The following NPAS3 variants were observed in gnomAD, a reference collection of about 807,000 sequenced individuals.
NPAS3 encodes the protein neuronal PAS domain-containing protein 3.
NPAS3 carries 14 observed loss-of-function variants against 73.1 expected under a neutral mutation model. The ratio of observed to expected loss-of-function variants is 0.19; its 90% CI spans 0.13 to 0.30. NPAS3 has a LOEUF of 0.30. Ranked by LOEUF, NPAS3 falls within the 10% of genes least tolerant of loss-of-function variation. The pLI, the probability that NPAS3 is intolerant of heterozygous loss-of-function variation, is 1.00. For missense variants in NPAS3, 1,096 were observed against 1,250.0 expected (o/e 0.88, Z 1.86); for synonymous variants, 620 against 541.5 (o/e 1.14, Z -2.01).
At chr14:33,389,612 C>A (rs1407691465) in intron 4 of NPAS3, among the ~76,000 whole-genome samples, 1 of 152,022 alleles carries the variant, frequency 6.6e-6, no homozygotes, top group East Asian at 1.9e-4. Flanking sequence ...GAGGTTGAAG[C>A]CACAATCTTA....
At chr14:33,206,679 A>G (rs2046833445) in intron 2 of NPAS3, among the ~76,000 whole-genome samples, 1 of 152,288 alleles carries the variant, frequency 6.6e-6, no homozygotes, top group Non-Finnish European at 1.5e-5. Context: ...GCATTCAAAC[A>G]TATTCATGTT....
chr14:33,580,800 AC>A lies in NPAS3; in HGVS notation c.558+20596del, dbSNP rs199853362. ...CCCTCCCACACCCACCCTCCACCGCACCCCCCTACCCCAGGGTGGCTTACTT... is the reference window on the plus strand; with the variant it reads ...CCCTCCCACACCCACCCTCCACCGCACCCCCTACCCCAGGGTGGCTTACTT... On this transcript the variant is annotated intron_variant, in intron 5 of 11. Transcript: ENST00000356141. Among the ~76,000 whole-genome samples the A allele has an allele frequency of 2.3e-5, 3 of 130,276 alleles. No homozygotes were observed. In the South Asian group the frequency reaches 8.4e-4, roughly 37 times the overall value. 85.5% of individuals were successfully genotyped at this position (130,276 alleles called of 152,430 possible). A position where few individuals can be genotyped will look rare whatever the true frequency, so the allele number is the denominator to read the frequency against.
chr14:32,993,021 TCTC>T (rs1193458633), intron 1 of NPAS3, among the ~76,000 whole-genome samples: 1 of 151,834 alleles, frequency 6.6e-6, no homozygotes, highest in African/African-American at 2.4e-5. Flanking sequence ...CTGGGTGTGG[TCTC>T]AGGCACCTGT....
At chr14:33,173,292 T>C (rs760141596) in intron 2 of NPAS3, among the ~76,000 whole-genome samples, 5 of 152,214 alleles carry the variant, frequency 3.3e-5, no homozygotes, top group Non-Finnish European at 7.3e-5. Context: ...TATTAGAGTT[T>C]AAAATAGCAG....
intron 5 of NPAS3, among the ~76,000 whole-genome samples, chr14:33,632,522 T>G (rs2058408130): frequency 1.3e-5 from 2 of 152,210 alleles, no homozygotes; most frequent in Admixed American, 1.3e-4. Context: ...GTGATCTCTT[T>G]TCTCTATGGG....
intron 4 of NPAS3, among the ~76,000 whole-genome samples, chr14:33,505,891 T>TTTGTTG (rs2052735817): frequency 6.6e-6 from 1 of 151,990 alleles, no homozygotes; most frequent in Non-Finnish European, 1.5e-5. Context: ...CTCCTCTGGC[T>TTTGTTG]CACTGACCTT....
chr14:33,598,415 T>C lies in NPAS3; in HGVS notation c.558+38205T>C, dbSNP rs570408517. ...TGGTGATGATGTGTGTATATGTGAA[T>C]AGTTTTAATAAGTCATCATTCTATT... On this transcript the variant is annotated intron_variant, in intron 5 of 11. Transcript: ENST00000356141. 2.0e-5 allele frequency among the ~76,000 whole-genome samples: 3 copies of C among 152,354 alleles called. No individual in the cohort carries two copies. The South Asian group carries it at 6.2e-4, about 32-fold the overall frequency.
chr14:33,580,204 A>C (rs1247078455), intron 5 of NPAS3, among the ~76,000 whole-genome samples: 1 of 150,180 alleles, frequency 6.7e-6, no homozygotes, highest in Non-Finnish European at 1.5e-5. Context: ...GGGCTTACAT[A>C]TGCACAAAGC....
At chr14:33,175,552 A>G (rs1050106311) in intron 2 of NPAS3, among the ~76,000 whole-genome samples, 1 of 152,214 alleles carries the variant, frequency 6.6e-6, no homozygotes, top group East Asian at 1.9e-4. Flanking sequence ...TCCTTAACAC[A>G]TTGTAACAAG....
intron 4 of NPAS3, among the ~76,000 whole-genome samples, chr14:33,559,873 G>T (rs2055553314): frequency 6.6e-6 from 1 of 152,050 alleles, no homozygotes; most frequent in African/African-American, 2.4e-5. Context: ...ACAAAAATTA[G>T]CTGGGCATGG....
At chr14:33,541,096 G>GGT (rs140503260) in intron 4 of NPAS3, among the ~76,000 whole-genome samples, 66,721 of 142,184 alleles carry the variant, frequency 0.47, 15,811 homozygotes, top group Non-Finnish European at 0.55. Flanking sequence ...TATGTTTAGA[G>GGT]GTGTGTGTGT....
chr14:33,126,035 A>C (rs904753943), intron 2 of NPAS3, among the ~76,000 whole-genome samples: 3 of 152,194 alleles, frequency 2.0e-5, no homozygotes, highest in African/African-American at 7.2e-5. Flanking sequence ...TTTAGCCTTC[A>C]GCTGTGTGAA....
intron 6 of NPAS3, among the ~76,000 whole-genome samples, chr14:33,711,738 T>C (rs963170339): frequency 6.6e-6 from 1 of 152,058 alleles, no homozygotes; most frequent in Non-Finnish European, 1.5e-5. Flanking sequence ...AAGGGAAAGA[T>C]GGTCAGAACA....
At chr14:33,601,940 A>T (rs1245579051) in intron 5 of NPAS3, among the ~76,000 whole-genome samples, 2 of 152,212 alleles carry the variant, frequency 1.3e-5, no homozygotes, top group African/African-American at 2.4e-5. Context: ...ACTGATTTCC[A>T]AGCTACTAGA....
At chr14:33,065,291 T>G (rs1682701449) in intron 2 of NPAS3, among the ~76,000 whole-genome samples, 1 of 152,162 alleles carries the variant, frequency 6.6e-6, no homozygotes, top group South Asian at 2.1e-4. Flanking sequence ...AACATACGGC[T>G]TTTTTAGGTC....
chr14:33,456,844 A>T (rs746229623), intron 4 of NPAS3, among the ~76,000 whole-genome samples: 5 of 152,152 alleles, frequency 3.3e-5, no homozygotes, highest in African/African-American at 4.8e-5. Context: ...GTAAAGGTTG[A>T]GTGTGGGCTG....
intron 6 of NPAS3, among the ~76,000 whole-genome samples, chr14:33,697,303 T>C (rs73257035): frequency 0.18 from 28,136 of 152,168 alleles, 2,764 homozygotes; most frequent in East Asian, 0.27. Flanking sequence ...CCCAGGCAGC[T>C]TGGACTCACA....
At chr14:33,734,700 CGAGGGGT>C (rs2061481397) in intron 6 of NPAS3, among the ~76,000 whole-genome samples, 1 of 152,118 alleles carries the variant, frequency 6.6e-6, no homozygotes, top group Non-Finnish European at 1.5e-5. Context: ...AAACCAGCTC[CGAGGGGT>C]GAGGACATTG....
At chr14:33,571,465 G>C (rs372829476) in intron 5 of NPAS3, among the ~76,000 whole-genome samples, 24 of 152,288 alleles carry the variant, frequency 1.6e-4, no homozygotes, top group Admixed American at 8.5e-4. Flanking sequence ...AGTCAGAGTA[G>C]AAAAGAAATG....
Sources: gnomAD v4.1 joint callset for allele counts (sites outside exome capture counted in the v4.1 genomes callset) on GRCh38, gnomAD v4.1.1 for gene constraint, MANE v1.5 for transcripts, NCBI Gene and HGNC (gene_info 2026-07-23, HGNC 2026-07-21) for gene names.